Variants in SPECC1L observed in about 807,000 individuals in gnomAD.
The protein encoded by SPECC1L is sperm antigen with calponin homology and coiled-coil domains 1 like, also known as cytospin-A.
A neutral mutation model predicts 116.8 loss-of-function variants in SPECC1L; 40 were observed. That is an observed-to-expected ratio of 0.34 (90% CI 0.27 to 0.45). SPECC1L has a LOEUF of 0.45. Among genes scored for constraint, SPECC1L ranks in the 20% least tolerant of loss-of-function variants. The probability of loss-of-function intolerance (pLI) is 1.00; values close to 1 mark genes in which losing one functional copy is unlikely to be tolerated. For missense variants in SPECC1L, 1,110 were observed against 1,373.6 expected, an observed-to-expected ratio of 0.81 and a Z score of 3.03; for synonymous variants, 504 against 500.6, an observed-to-expected ratio of 1.01 and a Z score of -0.09.
chr22:24,365,753 T>C lies in SPECC1L; in HGVS notation c.2984+121T>C, dbSNP rs530804090. On this transcript the variant is annotated intron_variant, in intron 13 of 16. Transcript: ENST00000314328. Reference sequence around the variant, plus strand: ...GTGATTTTTCTTTTTCTGTGTGTTGTTTGCGAATCTTTCTTATATCCAGAA... The same window carrying C: ...GTGATTTTTCTTTTTCTGTGTGTTGCTTGCGAATCTTTCTTATATCCAGAA... 1.9e-4 allele frequency: 206 copies of C among 1,111,708 alleles called. 3 individuals carry two copies. The highest frequency in any genetic ancestry group is 1.7e-3 in the South Asian group (129 of 76,890). The allele number at this position is 1,111,708 out of a possible 1,614,324, so 68.9% of individuals were successfully genotyped here.
At chr22:24,412,029 G>A in intron 15 of SPECC1L, 2 of 430,124 alleles carry the variant, frequency 4.6e-6, no homozygotes, top group South Asian at 4.1e-5. Context: ...GAGTAGTCAG[G>A]CAGTGCTGAC....
intron 14 of SPECC1L, among the ~76,000 whole-genome samples, chr22:24,388,478 T>G (rs1352771252): frequency 2.0e-5 from 3 of 151,902 alleles, no homozygotes; most frequent in Non-Finnish European, 4.4e-5. Flanking sequence ...CTTAATCCAG[T>G]CTATCATTGT....
intron 11 of SPECC1L, among the ~76,000 whole-genome samples, chr22:24,352,697 C>T (rs1170962218): frequency 6.6e-6 from 1 of 152,056 alleles, no homozygotes; most frequent in East Asian, 1.9e-4. Flanking sequence ...CATGAAAGTC[C>T]CAGGATAAAA....
rs527587148 is a variant in SPECC1L, at chr22:24,381,509, A to G, written c.3087+12189A>G. On this transcript the variant is annotated intron_variant, in intron 14 of 16. Coordinates refer to ENST00000314328, the MANE Select transcript of SPECC1L (RefSeq NM_015330.6). ...ACTGGAGATAAGTGGAATTAAAAGA[A>G]TTAATGGGTTGGACTGGTTTAGCAG... Among the ~76,000 whole-genome samples, 7 of 152,356 alleles carry G rather than the reference A, an allele frequency of 4.6e-5. No individual in the cohort carries two copies. In the South Asian group the frequency reaches 1.4e-3, roughly 32 times the overall value.
At chr22:24,397,236 T>A (rs182116446) in intron 14 of SPECC1L, among the ~76,000 whole-genome samples, 1 of 152,194 alleles carries the variant, frequency 6.6e-6, no homozygotes, top group African/African-American at 2.4e-5. Context: ...GTGAAAAGAA[T>A]GCTTCAGTTC....
chr22:24,392,748 G>A (rs149875174), intron 14 of SPECC1L, among the ~76,000 whole-genome samples: 29 of 152,268 alleles, frequency 1.9e-4, no homozygotes, highest in African/African-American at 6.5e-4. Flanking sequence ...ACATAATGAC[G>A]TCTATTTATA....
intron 2 of SPECC1L, among the ~76,000 whole-genome samples, chr22:24,278,593 A>G (rs1417873079): frequency 6.6e-6 from 1 of 152,184 alleles, no homozygotes; most frequent in Non-Finnish European, 1.5e-5. Flanking sequence ...ACACACAAAA[A>G]CTTTTGCATT....
rs765402107 is a variant in SPECC1L at position 24,340,140 on chromosome 22, C to CTTTTTTTT, written c.2652+1682_2652+1689dup. Among the ~76,000 whole-genome samples, 8 of 105,140 alleles carry CTTTTTTTT rather than the reference C, an allele frequency of 7.6e-5. 1 individual carries two copies. Among genetic ancestry groups the CTTTTTTTT allele is most frequent in the African/African-American group, 3.2e-4 (7 of 21,704 alleles). The allele number at this position is 105,140 out of a possible 152,430, so 69.0% of individuals were successfully genotyped here. ...AATACTGTTCCACCAATTTAATGAC[C>CTTTTTTTT]TTTTTTTTTTTTTTTTTTTTTTTTT... On this transcript the variant is annotated intron_variant, in intron 10 of 16. Coordinates refer to ENST00000314328, the MANE Select transcript of SPECC1L (RefSeq NM_015330.6).
At chr22:24,281,451 T>G (rs1461710476) in intron 2 of SPECC1L, among the ~76,000 whole-genome samples, 1 of 152,230 alleles carries the variant, frequency 6.6e-6, no homozygotes, top group East Asian at 1.9e-4. Flanking sequence ...CATGGTATAC[T>G]TCTCAATTTA....
chr22:24,313,578 G>C (rs2040501504), intron 4 of SPECC1L, 112 bp downstream of exon 4: 19 of 1,260,580 alleles, frequency 1.5e-5, no homozygotes, highest in Admixed American at 5.8e-5. Context: ...ACATACAAAA[G>C]TAGATGGATT....
At chr22:24,333,794 C>T (rs191537155) in intron 8 of SPECC1L, among the ~76,000 whole-genome samples, 1 of 152,070 alleles carries the variant, frequency 6.6e-6, no homozygotes, top group Non-Finnish European at 1.5e-5. Context: ...AGCTCTGAGC[C>T]AGTCTACCTC....
In SPECC1L at chr22:24,338,370, T is replaced by C. The variant is rs765716305; in HGVS notation, c.2561-16T>C. 10 of 1,612,776 alleles carry C rather than the reference T, an allele frequency of 6.2e-6. No individual in the cohort carries two copies. Among genetic ancestry groups the C allele is most frequent in the Admixed American group, 1.7e-5 (1 of 59,966 alleles). ...TACAGTGACATTATTTCCCTTTTTG[T>C]TTGTTGTTTTTGTAGTACCAAACCC... is the stretch of plus-strand genomic sequence containing the variant. On this transcript the variant is annotated splice_polypyrimidine_tract_variant and intron_variant, in intron 9 of 16. Coordinates refer to ENST00000314328, the MANE Select transcript of SPECC1L (RefSeq NM_015330.6).
At chr22:24,287,430 C>T (rs569787279) in intron 2 of SPECC1L, among the ~76,000 whole-genome samples, 3 of 152,206 alleles carry the variant, frequency 2.0e-5, no homozygotes, top group African/African-American at 7.2e-5. Flanking sequence ...CCAGAGTTGT[C>T]CAGCTGGACT....
At chr22:24,342,933 C>G (rs1322427490) in intron 10 of SPECC1L, among the ~76,000 whole-genome samples, 1 of 152,098 alleles carries the variant, frequency 6.6e-6, no homozygotes, top group African/African-American at 2.4e-5. Context: ...TGGCTCACGC[C>G]TATAATCCCA....
intron 10 of SPECC1L, among the ~76,000 whole-genome samples, chr22:24,339,584 G>T (rs993195842): frequency 3.9e-5 from 6 of 152,220 alleles, no homozygotes; most frequent in Non-Finnish European, 7.3e-5. Flanking sequence ...ACATAGGTGA[G>T]AGTAGCCAAA....
Position 24,415,015 on chromosome 22 carries a change from C to T in SPECC1L, c.*392C>T, listed in dbSNP as rs1403499003. ...AAACTCACTAGGGTTGATGAAGGCT[C>T]GGCCGCGGCACTTCCTGACTATTGG... On this transcript the variant is annotated 3_prime_UTR_variant, in exon 17 of 17. Transcript: ENST00000314328. 2 of 259,382 alleles carry T rather than the reference C, an allele frequency of 7.7e-6. No individual in the cohort carries two copies. Among genetic ancestry groups the T allele is most frequent in the South Asian group, 4.4e-5 (1 of 22,618 alleles). The allele number at this position is 259,382 out of a possible 1,614,324, so 16.1% of individuals were successfully genotyped here. A position where few individuals can be genotyped will look rare whatever the true frequency, so the allele number is the denominator to read the frequency against.
intron 9 of SPECC1L, 129 bp from the exon 10 acceptor site, chr22:24,338,257 G>T: frequency 1.1e-6 from 1 of 880,982 alleles, no homozygotes; most frequent in Non-Finnish European, 1.9e-6. Context: ...GCAGAGGCTA[G>T]ACATCAGCCA....
At chr22:24,380,498 A>T (rs1405056957) in intron 14 of SPECC1L, among the ~76,000 whole-genome samples, 1 of 152,212 alleles carries the variant, frequency 6.6e-6, no homozygotes, top group Non-Finnish European at 1.5e-5. Flanking sequence ...ATCAACGGAG[A>T]TAGATTCCCT....
At chr22:24,326,210 C>A (rs1336635952) in intron 6 of SPECC1L, among the ~76,000 whole-genome samples, 3 of 152,190 alleles carry the variant, frequency 2.0e-5, no homozygotes, top group Non-Finnish European at 4.4e-5. Context: ...ATATTACAGG[C>A]CTGTGCCACC....
Sources: allele counts gnomAD v4.1 joint callset (sites outside exome capture counted in the v4.1 genomes callset), GRCh38; gene constraint gnomAD v4.1.1; transcripts MANE v1.5; gene names NCBI Gene and HGNC (gene_info 2026-07-23, HGNC 2026-07-21).